NR5A2: variants seen among roughly 807,000 people sequenced by gnomAD.
The protein encoded by NR5A2 is nuclear receptor subfamily 5 group A member 2, also known as CYP7A promoter-binding factor.
A neutral mutation model predicts 62.7 loss-of-function variants in NR5A2; 26 were observed. The ratio of observed to expected loss-of-function variants is 0.41; its 90% CI spans 0.30 to 0.58. The LOEUF (loss-of-function observed/expected upper bound fraction) is 0.58, where lower values mean the gene tolerates loss of function less well. Among genes scored for constraint, NR5A2 ranks in the 20% least tolerant of loss-of-function variants. The probability of loss-of-function intolerance (pLI) is 0.22; values close to 1 mark genes in which losing one functional copy is unlikely to be tolerated. For missense variants in NR5A2, 541 were observed against 669.1 expected (o/e 0.81, Z 2.11); for synonymous variants, 246 against 241.7 (o/e 1.02, Z -0.16).
chr1:200,067,139 A>G (rs2102208192), intron 5 of NR5A2, among the ~76,000 whole-genome samples: 1 of 152,300 alleles, frequency 6.6e-6, no homozygotes, highest in South Asian at 2.1e-4. Flanking sequence ...CTGATCACCT[A>G]TCTATGCAGC....
chr1:200,074,457 G>A (rs925276018), intron 5 of NR5A2, among the ~76,000 whole-genome samples: 1 of 151,490 alleles, frequency 6.6e-6, no homozygotes, highest in African/African-American at 2.4e-5. Context: ...AAGAAAAAGG[G>A]CCGGGTGCGG....
chr1:200,036,824 T>TC (rs1661802112), intron 1 of NR5A2, among the ~76,000 whole-genome samples: 1 of 152,120 alleles, frequency 6.6e-6, no homozygotes, highest in Non-Finnish European at 1.5e-5. Context: ...GCTCTTTCAG[T>TC]CCCCCTCCAT....
At chr1:200,127,691 A>ATATATATAT (rs1472764291) in intron 7 of NR5A2, among the ~76,000 whole-genome samples, 2 of 68,580 alleles carry the variant, frequency 2.9e-5, no homozygotes, top group South Asian at 5.5e-4. Flanking sequence ...AAAAAAAAAA[A>ATATATATAT]AAAAAAAAAA....
rs1227538575 is a variant in NR5A2 at position 200,039,058 on chromosome 1, G to C, written c.65-600G>C. On this transcript the variant is annotated intron_variant, in intron 1 of 7. Coordinates refer to ENST00000367362, the MANE Select transcript of NR5A2 (RefSeq NM_205860.3). The surrounding 1 kb of genome is among the most constrained non-coding windows in gnomAD (Gnocchi z 5.1). The stretch of plus-strand genomic sequence containing the variant: ...GTCACCCTCGGGGCTGGGAAGGGCC[G>C]TTCTCGGTCCCGCGCGGGGAGTGGA... Among the ~76,000 whole-genome samples the C allele has an allele frequency of 6.6e-6, 1 of 151,936 alleles. No individual in the cohort carries two copies. The highest frequency in any genetic ancestry group is 6.5e-5 in the Admixed American group (1 of 15,274).
In NR5A2 at chr1:200,120,198, A is replaced by G. The variant is rs186258633; in HGVS notation, c.1231-610A>G. On this transcript the variant is annotated intron_variant, in intron 6 of 7. Transcript: ENST00000367362. The stretch of plus-strand genomic sequence containing the variant: ...TTCTTTCATCATCCACAAACATCCA[A>G]TCTTGAACTATGATTACTTTAAAAT... Among the ~76,000 whole-genome samples the G allele has an allele frequency of 4.0e-3, 605 of 152,288 alleles. 4 individuals carry two copies. Among genetic ancestry groups the G allele is most frequent in the African/African-American group, 0.014 (572 of 41,562 alleles).
intron 2 of NR5A2, chr1:200,042,906 A>AGCCGC: frequency 1.0e-6 from 1 of 985,432 alleles, no homozygotes; most frequent in Non-Finnish European, 1.2e-6. Context: ...CCCGGCAGTG[A>AGCCGC]GCCGCGCCGC....
At chr1:200,135,485 C>A (rs1367654106) in intron 7 of NR5A2, among the ~76,000 whole-genome samples, 1 of 151,214 alleles carries the variant, frequency 6.6e-6, no homozygotes, top group Non-Finnish European at 1.5e-5. Flanking sequence ...TGCGCCCCTG[C>A]TCTCCAGCCT....
At chr1:200,114,381 A>C (rs1395755712) in intron 6 of NR5A2, among the ~76,000 whole-genome samples, 1 of 152,144 alleles carries the variant, frequency 6.6e-6, no homozygotes, top group East Asian at 1.9e-4. Flanking sequence ...TAATCCAATA[A>C]CAATTGAGCT....
chr1:200,095,868 TA>T (rs1435522069), intron 5 of NR5A2, among the ~76,000 whole-genome samples: 3 of 152,078 alleles, frequency 2.0e-5, no homozygotes, highest in Admixed American at 6.6e-5. Flanking sequence ...TAATATTTTT[TA>T]AAAAATTTTT....
At chr1:200,075,937 T>C (rs1384952497) in intron 5 of NR5A2, among the ~76,000 whole-genome samples, 3 of 152,132 alleles carry the variant, frequency 2.0e-5, no homozygotes, top group Non-Finnish European at 4.4e-5. Flanking sequence ...ATTTATCATG[T>C]TTTGCTTAGA....
chr1:200,028,425 C>CAAAAAAAAAAAAAA (rs67706127), intron 1 of NR5A2, among the ~76,000 whole-genome samples: 2 of 83,636 alleles, frequency 2.4e-5, no homozygotes, highest in Non-Finnish European at 2.7e-5. Context: ...CCCCCACCTC[C>CAAAAAAAAAAAAAA]AAAAAAAAAA....
At chr1:200,080,074 T>C (rs1484888490) in intron 5 of NR5A2, among the ~76,000 whole-genome samples, 1 of 152,204 alleles carries the variant, frequency 6.6e-6, no homozygotes, top group African/African-American at 2.4e-5. Context: ...CTTTATTATT[T>C]CCAAAAAGTT....
chr1:200,031,418 G>A lies in NR5A2; in HGVS notation c.64+3507G>A, dbSNP rs561539858. ...TGTAGTCCTAGTGACTAGGGCTTGG[G>A]GGTTGAGGTAGGAAGATCACTTGAG... On this transcript the variant is annotated intron_variant, in intron 1 of 7. Coordinates refer to ENST00000367362, the MANE Select transcript of NR5A2 (RefSeq NM_205860.3). Among the ~76,000 whole-genome samples the A allele has an allele frequency of 2.2e-4, 34 of 152,070 alleles. No homozygotes were observed. In the South Asian group the frequency reaches 5.8e-3, roughly 26 times the overall value.
chr1:200,117,652 AC>A (rs2102304778), intron 6 of NR5A2, among the ~76,000 whole-genome samples: 1 of 152,234 alleles, frequency 6.6e-6, no homozygotes, highest in East Asian at 1.9e-4. Context: ...ATTAATACCA[AC>A]ATATTTGTGT....
At chr1:200,136,583 T>A (rs762513451) in intron 7 of NR5A2, among the ~76,000 whole-genome samples, 3 of 152,246 alleles carry the variant, frequency 2.0e-5, no homozygotes, top group Non-Finnish European at 4.4e-5. Context: ...ATTGCTGAGC[T>A]AGTAAGTAAT....
At chr1:200,077,495 C>T (rs970002977) in intron 5 of NR5A2, among the ~76,000 whole-genome samples, 4 of 152,178 alleles carry the variant, frequency 2.6e-5, no homozygotes. Context: ...AGGTGGATCA[C>T]CTAAGGTCAG....
At chr1:200,089,569 A>G (rs1664720177) in intron 5 of NR5A2, among the ~76,000 whole-genome samples, 1 of 152,188 alleles carries the variant, frequency 6.6e-6, no homozygotes, top group Non-Finnish European at 1.5e-5. Flanking sequence ...CCCCAGGTTC[A>G]AGCTACTCTT....
chr1:200,041,746 C>G (rs72739175), intron 2 of NR5A2, among the ~76,000 whole-genome samples: 2,944 of 152,276 alleles, frequency 0.019, 49 homozygotes, highest in Non-Finnish European at 0.027. Flanking sequence ...GGTGCCCAGG[C>G]CTCACACAGC....
chr1:200,078,832 C>A (rs1393103456), intron 5 of NR5A2, among the ~76,000 whole-genome samples: 1 of 152,142 alleles, frequency 6.6e-6, no homozygotes, highest in Non-Finnish European at 1.5e-5. Flanking sequence ...TTAACCACTT[C>A]TTTGACCTAG....
Sources: allele counts gnomAD v4.1 joint callset (sites outside exome capture counted in the v4.1 genomes callset), GRCh38; gene constraint gnomAD v4.1.1; non-coding constraint Gnocchi (gnomAD v3.1); transcripts MANE v1.5; gene names NCBI Gene and HGNC (gene_info 2026-07-23, HGNC 2026-07-21).